Variants in UGGT2 observed in about 807,000 individuals in gnomAD.
UGGT2 encodes the protein UDP-glucose glycoprotein glucosyltransferase 2, also known as UDP-glucose:glycoprotein glucosyltransferase 2.
Under a neutral mutation model 192.1 loss-of-function variants are expected in UGGT2, and 180 were observed. The observed-to-expected ratio is 0.94, with a 90% confidence interval of 0.83 to 1.06. UGGT2 has a LOEUF of 1.06. Ranked by LOEUF, UGGT2 falls within the 50% of genes least tolerant of loss-of-function variation. UGGT2 has a pLI of 0.00. For synonymous variants in UGGT2, 580 were observed against 591.0 expected, an observed-to-expected ratio of 0.98 and a Z score of 0.27; for missense variants, 1,849 against 1,795.7, an observed-to-expected ratio of 1.03 and a Z score of -0.54.
At chr13:95,907,784 T>C (rs1039254883) in intron 20 of UGGT2, among the ~76,000 whole-genome samples, 2 of 152,092 alleles carry the variant, frequency 1.3e-5, no homozygotes, top group Non-Finnish European at 2.9e-5. Flanking sequence ...ACCACAAAGA[T>C]GGGGAGAAAG....
At chr13:95,999,343 G>C (rs1377264886) in intron 5 of UGGT2, 36 bp from the exon 6 acceptor site, 2 of 1,582,504 alleles carry the variant, frequency 1.3e-6, no homozygotes, top group East Asian at 2.2e-5. Flanking sequence ...AAAGCGAAAA[G>C]AGTTAGTCAA....
intron 2 of UGGT2, among the ~76,000 whole-genome samples, chr13:96,026,131 C>T (rs552322399): frequency 1.4e-4 from 21 of 152,080 alleles, no homozygotes; most frequent in African/African-American, 5.1e-4. Flanking sequence ...ACAAAAAAGA[C>T]ACAGAATGAT....
chr13:95,810,565 T>G (rs542338040), intron 38 of UGGT2, among the ~76,000 whole-genome samples: 1 of 152,218 alleles, frequency 6.6e-6, no homozygotes, highest in African/African-American at 2.4e-5. Context: ...CTTTTTAGTC[T>G]TTTCAATATT....
At chr13:95,919,626 C>A (rs2048785691) in intron 20 of UGGT2, among the ~76,000 whole-genome samples, 1 of 152,050 alleles carries the variant, frequency 6.6e-6, no homozygotes. Flanking sequence ...GAATAAAATA[C>A]CTAGGAATAT....
chr13:95,835,589 T>G (rs1887193330), intron 37 of UGGT2, among the ~76,000 whole-genome samples: 1 of 152,250 alleles, frequency 6.6e-6, no homozygotes, highest in South Asian at 2.1e-4. Flanking sequence ...TCTATACATG[T>G]CTGAAAAAGT....
At chr13:96,004,630 A>G (rs1459355976) in intron 5 of UGGT2, among the ~76,000 whole-genome samples, 1 of 151,808 alleles carries the variant, frequency 6.6e-6, no homozygotes, top group East Asian at 1.9e-4. Flanking sequence ...CGCTGCACCC[A>G]CTAACTCGTC....
At chr13:95,851,292 C>A (rs1889003319) in intron 36 of UGGT2, among the ~76,000 whole-genome samples, 1 of 152,032 alleles carries the variant, frequency 6.6e-6, no homozygotes, top group African/African-American at 2.4e-5. Context: ...GTGGCAATGC[C>A]AGTAGAGTTA....
At chr13:95,959,072 A>C (rs906984736) in intron 12 of UGGT2, among the ~76,000 whole-genome samples, 1 of 152,186 alleles carries the variant, frequency 6.6e-6, no homozygotes, top group African/African-American at 2.4e-5. Context: ...CAGCTCCCAC[A>C]GACTGTGTCC....
At chr13:95,950,293 C>A (rs1276188190) in intron 12 of UGGT2, among the ~76,000 whole-genome samples, 1 of 152,102 alleles carries the variant, frequency 6.6e-6, no homozygotes, top group African/African-American at 2.4e-5. Flanking sequence ...GTTGAAACCA[C>A]AGCTATAAAA....
intron 1 of UGGT2, among the ~76,000 whole-genome samples, chr13:96,033,795 A>C (rs1247812030): frequency 1.3e-5 from 2 of 152,148 alleles, no homozygotes; most frequent in Admixed American, 1.3e-4. Flanking sequence ...ACCAATGGGC[A>C]TGGAAGGGAG....
intron 17 of UGGT2, 131 bp downstream of exon 17, chr13:95,936,791 ATT>A: frequency 1.1e-6 from 1 of 936,664 alleles, no homozygotes; most frequent in Admixed American, 3.5e-5. Flanking sequence ...TAAAAGTATC[ATT>A]TTAAAAATCA....
In UGGT2 at chr13:95,921,789, G is replaced by A. The variant is rs569647989; in HGVS notation, c.2295+3891C>T. ...AAAGTCAAAAAAATAACAGATGCTCGCAAGGTTGCAGAGAAAAAGGGAATG... is the reference window on the plus strand; with the variant it reads ...AAAGTCAAAAAAATAACAGATGCTCACAAGGTTGCAGAGAAAAAGGGAATG... On this transcript the variant is annotated intron_variant, in intron 20 of 38. Coordinates refer to ENST00000376747, the MANE Select transcript of UGGT2 (RefSeq NM_020121.4). Among the ~76,000 whole-genome samples the A allele has an allele frequency of 1.7e-4, 26 of 152,198 alleles. No individual in the cohort carries two copies. In the South Asian group the frequency reaches 2.1e-3, roughly 12 times the overall value.
At chr13:95,883,980 G>A (rs1367798284) in intron 27 of UGGT2, among the ~76,000 whole-genome samples, 1 of 149,070 alleles carries the variant, frequency 6.7e-6, no homozygotes, top group African/African-American at 2.5e-5. Flanking sequence ...AGGTATACCT[G>A]GCCTGTAGTA....
chr13:95,805,724 G>C (rs181384353), intron 38 of UGGT2, among the ~76,000 whole-genome samples: 1 of 152,164 alleles, frequency 6.6e-6, no homozygotes, highest in East Asian at 1.9e-4. Context: ...AAAGTATCTA[G>C]AGTAGTCAAA....
intron 5 of UGGT2, among the ~76,000 whole-genome samples, chr13:96,004,011 T>C (rs1284510980): frequency 1.3e-5 from 2 of 152,098 alleles, no homozygotes; most frequent in Non-Finnish European, 2.9e-5. Context: ...TCATAAATAG[T>C]AGTAACTTAA....
At chr13:95,990,305 T>G (rs1277092382) in intron 7 of UGGT2, 3 of 244,556 alleles carry the variant, frequency 1.2e-5, no homozygotes, top group Non-Finnish European at 2.3e-5. Context: ...TGGAGGAATA[T>G]ACTCTCAATT....
intron 20 of UGGT2, among the ~76,000 whole-genome samples, chr13:95,914,684 C>T (rs2048624197): frequency 6.8e-6 from 1 of 146,156 alleles, no homozygotes; most frequent in Non-Finnish European, 1.5e-5. Flanking sequence ...CCTGTAATCC[C>T]AACCACATGC....
chr13:96,031,092 T>C lies in UGGT2; in HGVS notation c.241+797A>G, dbSNP rs138781898. Among the ~76,000 whole-genome samples the C allele has an allele frequency of 2.3e-3, 350 of 152,264 alleles. 1 individual carries two copies. The highest frequency in any genetic ancestry group is 4.3e-3 in the Non-Finnish European group (291 of 68,016). ...CAAGGAAGGTTCATCAACAGATATA[T>C]ATGTACCACACTAGTGAGGGATGTT... On this transcript the variant is annotated intron_variant, in intron 2 of 38. Transcript: ENST00000376747.
chr13:95,803,506 C>A (rs1054565963), intron 38 of UGGT2, among the ~76,000 whole-genome samples: 1 of 152,098 alleles, frequency 6.6e-6, no homozygotes, highest in Non-Finnish European at 1.5e-5. Flanking sequence ...GTGATCCACC[C>A]GCCTTGGCCT....
Sources: gnomAD v4.1 joint callset for allele counts (sites outside exome capture counted in the v4.1 genomes callset) on GRCh38, gnomAD v4.1.1 for gene constraint, MANE v1.5 for transcripts, NCBI Gene and HGNC (gene_info 2026-07-23, HGNC 2026-07-21) for gene names.